Variants in NMNAT3 observed in about 807,000 individuals in gnomAD.
The protein encoded by NMNAT3 is nicotinamide/nicotinic acid mononucleotide adenylyltransferase 3.
In NMNAT3, 21 loss-of-function variants were observed where a neutral mutation model predicts 24.8. The observed-to-expected ratio is 0.85, with a 90% confidence interval of 0.60 to 1.22. NMNAT3 has a LOEUF of 1.22. NMNAT3 is among the 50% of genes most tolerant of loss of function. The pLI is 0.00. For missense variants in NMNAT3, 387 were observed against 436.6 expected (o/e 0.89, Z 1.01); for synonymous variants, 136 against 155.2 (o/e 0.88, Z 0.92).
rs11406804 is a variant in NMNAT3, at chr3:139,612,167, C to CAAA, written c.109+15446_109+15448dup. Among the ~76,000 whole-genome samples the CAAA allele has an allele frequency of 5.7e-4, 73 of 128,156 alleles. 1 individual carries two copies. The highest frequency in any genetic ancestry group is 1.9e-3 in the African/African-American group (62 of 32,554). 84.1% of individuals were successfully genotyped at this position (128,156 alleles called of 152,430 possible). On this transcript the variant is annotated intron_variant, in intron 3 of 6. Coordinates refer to ENST00000643695, the MANE Select transcript of NMNAT3 (RefSeq NM_001320510.2). The stretch of plus-strand genomic sequence containing the variant: ...GGGCAACAAGAGCAAAACTCCGTCT[C>CAAA]AAAAAAAAAAAAAAAATGCATAGAG...
intron 1 of NMNAT3, among the ~76,000 whole-genome samples, chr3:139,656,115 C>T (rs1246462097): frequency 6.6e-6 from 1 of 152,174 alleles, no homozygotes; most frequent in Admixed American, 6.5e-5. Context: ...TGCCTTTCTG[C>T]CCTGGTTAGG....
chr3:139,596,670 C>T (rs2108199463), intron 3 of NMNAT3, among the ~76,000 whole-genome samples: 1 of 151,898 alleles, frequency 6.6e-6, no homozygotes, highest in Admixed American at 6.6e-5. Context: ...ATACTTTTCT[C>T]AAGTTAACAA....
At chr3:139,598,844 ATTT>A (rs764739502) in intron 3 of NMNAT3, among the ~76,000 whole-genome samples, 1 of 151,360 alleles carries the variant, frequency 6.6e-6, no homozygotes, top group African/African-American at 2.4e-5. Flanking sequence ...GTTTGCCCAT[ATTT>A]TTTTTTCTAC....
chr3:139,578,020 A>G (rs1576549483), intron 5 of NMNAT3, among the ~76,000 whole-genome samples: 1 of 152,320 alleles, frequency 6.6e-6, no homozygotes, highest in East Asian at 1.9e-4. Flanking sequence ...TTTCCTGCCA[A>G]TCCTAGTGGT....
chr3:139,591,190 G>A (rs1209692934), intron 3 of NMNAT3, among the ~76,000 whole-genome samples: 2 of 151,378 alleles, frequency 1.3e-5, no homozygotes, highest in African/African-American at 4.9e-5. Flanking sequence ...CCCTTTCCGA[G>A]TCAAAGAAAG....
At chr3:139,665,235 T>C (rs1559971093) in intron 1 of NMNAT3, among the ~76,000 whole-genome samples, 1 of 152,106 alleles carries the variant, frequency 6.6e-6, no homozygotes. Flanking sequence ...CAGTGACAGA[T>C]TGAGGAAGAA....
At chr3:139,590,288 G>A (rs2054107277) in intron 3 of NMNAT3, among the ~76,000 whole-genome samples, 1 of 152,194 alleles carries the variant, frequency 6.6e-6, no homozygotes. Flanking sequence ...GAATCATAGT[G>A]CACTGCATGG....
intron 3 of NMNAT3, among the ~76,000 whole-genome samples, chr3:139,616,187 C>A (rs763661946): frequency 6.6e-6 from 1 of 152,198 alleles, no homozygotes; most frequent in African/African-American, 2.4e-5. Context: ...CAAAGCCATT[C>A]TCCCAGACAT....
In NMNAT3 at chr3:139,676,810, C is replaced by T. The variant is rs963757854; in HGVS notation, c.-141+895G>A. 2.6e-5 allele frequency among the ~76,000 whole-genome samples: 4 copies of T among 152,282 alleles called. No individual in the cohort carries two copies. The South Asian group carries it at 8.3e-4, about 32-fold the overall frequency. Reference sequence around the variant, plus strand: ...ACCACTTATTTGATAGAGGAAGAAACAGGACTCAAGGAGAGGGGAAGTGAC... The same window carrying T: ...ACCACTTATTTGATAGAGGAAGAAATAGGACTCAAGGAGAGGGGAAGTGAC... On this transcript the variant is annotated intron_variant, in intron 1 of 6. Coordinates refer to ENST00000643695, the MANE Select transcript of NMNAT3 (RefSeq NM_001320510.2).
chr3:139,671,617 C>T (rs1024634972), intron 1 of NMNAT3, among the ~76,000 whole-genome samples: 9 of 142,450 alleles, frequency 6.3e-5, no homozygotes, highest in Non-Finnish European at 1.4e-4. Flanking sequence ...CTCTCTCTCT[C>T]TCACACACAC....
chr3:139,560,831 C>T lies in NMNAT3; in HGVS notation c.*179G>A. 1.6e-6 allele frequency: 1 copy of T among 619,184 alleles called. No homozygotes were observed. Among genetic ancestry groups the T allele is most frequent in the Non-Finnish European group, 2.8e-6 (1 of 356,970 alleles). The allele number at this position is 619,184 out of a possible 1,614,324, so 38.4% of individuals were successfully genotyped here. ...GTCTATCCTTGTGATTTAGACCTTT[C>T]CTCTCCTGTAAAGAAGGTATCTCTT... On this transcript the variant is annotated 3_prime_UTR_variant, in exon 7 of 7. Transcript: ENST00000643695.
intron 3 of NMNAT3, among the ~76,000 whole-genome samples, chr3:139,598,128 T>A (rs1490643083): frequency 6.6e-6 from 1 of 152,232 alleles, no homozygotes; most frequent in Admixed American, 6.5e-5. Flanking sequence ...TTGGCAATCA[T>A]CACTCCCTCC....
intron 5 of NMNAT3, chr3:139,576,339 T>A (rs1440671623): frequency 3.5e-6 from 3 of 850,386 alleles, no homozygotes; most frequent in African/African-American, 3.6e-5. Context: ...ATAATAATTT[T>A]AAAAATCTTA....
At chr3:139,622,771 CATATATATGATATATATATG>C (rs1212088438) in intron 3 of NMNAT3, among the ~76,000 whole-genome samples, 4 of 132,490 alleles carry the variant, frequency 3.0e-5, no homozygotes, top group African/African-American at 5.7e-5. Flanking sequence ...TCATATATAT[CATATATATGATATATATATG>C]ATATATATGA....
At chr3:139,673,845 C>T (rs2057837608) in intron 1 of NMNAT3, among the ~76,000 whole-genome samples, 1 of 151,966 alleles carries the variant, frequency 6.6e-6, no homozygotes, top group Admixed American at 6.6e-5. Flanking sequence ...GTACAGGGAA[C>T]ACTTGGTCCA....
intron 3 of NMNAT3, among the ~76,000 whole-genome samples, chr3:139,585,767 C>G (rs1429224004): frequency 6.6e-6 from 1 of 152,144 alleles, no homozygotes; most frequent in East Asian, 1.9e-4. Context: ...TTCACTTTTC[C>G]TCTTTTGCCT....
chr3:139,636,303 C>T (rs573365879), intron 2 of NMNAT3: 9 of 149,272 alleles, frequency 6.0e-5, no homozygotes, highest in African/African-American at 2.2e-4. Flanking sequence ...CTCAAATGGA[C>T]ATTGTTTGAA....
intron 3 of NMNAT3, among the ~76,000 whole-genome samples, chr3:139,615,594 A>G (rs1695244947): frequency 6.6e-6 from 1 of 152,102 alleles, no homozygotes; most frequent in Non-Finnish European, 1.5e-5. Context: ...ATCACAGGAC[A>G]TTTGTAACTT....
intron 5 of NMNAT3, among the ~76,000 whole-genome samples, chr3:139,576,502 TA>T (rs1194279735): frequency 6.7e-6 from 1 of 149,530 alleles, no homozygotes; most frequent in Admixed American, 6.6e-5. Flanking sequence ...GGTGAGCATT[TA>T]AAAAAGCTTA....
Sources: gnomAD v4.1 joint callset for allele counts (sites outside exome capture counted in the v4.1 genomes callset) on GRCh38, gnomAD v4.1.1 for gene constraint, MANE v1.5 for transcripts, NCBI Gene and HGNC (gene_info 2026-07-23, HGNC 2026-07-21) for gene names.